SCHIP1: variants seen among roughly 807,000 people sequenced by gnomAD.
SCHIP1 encodes schwannomin-interacting protein 1.
In SCHIP1, 8 loss-of-function variants were observed where a neutral mutation model predicts 29.7. That is an observed-to-expected ratio of 0.27 (90% CI 0.16 to 0.49). The LOEUF is 0.49. Among genes scored for constraint, SCHIP1 ranks in the 20% least tolerant of loss-of-function variants. SCHIP1 has a pLI of 0.99. For missense variants in SCHIP1, 193 were observed against 294.6 expected (o/e 0.66, Z 2.52); for synonymous variants, 76 against 94.9 (o/e 0.80, Z 1.16).
At chr3:159,559,631 C>T in the SCHIP1 span, among the ~76,000 whole-genome samples, 9 of 152,262 alleles carry the variant, frequency 5.9e-5, no homozygotes, top group South Asian at 1.9e-3. Context: ...CTGAGAAATA[C>T]ATAATCAGTG....
At chr3:159,510,436 G>T in the SCHIP1 span, among the ~76,000 whole-genome samples, 16 of 152,202 alleles carry the variant, frequency 1.1e-4, no homozygotes, top group African/African-American at 3.4e-4. Context: ...GCTCGGGGAA[G>T]TTTGATAGTC....
chr3:159,373,004 C>A, the SCHIP1 span, among the ~76,000 whole-genome samples: 4 of 151,766 alleles, frequency 2.6e-5, no homozygotes, highest in African/African-American at 7.3e-5. Context: ...AAAATAACTT[C>A]TTTTATAAGC....
At chr3:159,294,032 G>T in the SCHIP1 span, among the ~76,000 whole-genome samples, 3 of 152,080 alleles carry the variant, frequency 2.0e-5, no homozygotes, top group Non-Finnish European at 2.9e-5. Flanking sequence ...TGTCTTAGGT[G>T]CTATGTAACT....
At chr3:159,489,892 T>C in the SCHIP1 span, among the ~76,000 whole-genome samples, 3 of 152,010 alleles carry the variant, frequency 2.0e-5, no homozygotes, top group African/African-American at 7.2e-5. Context: ...TATATATTTG[T>C]ATATTTTTAT....
At chr3:159,835,680 ATG>A (rs1743589529), upstream of SCHIP1, among the ~76,000 whole-genome samples, 1 of 152,198 alleles carries the variant, frequency 6.6e-6, no homozygotes, top group Non-Finnish European at 1.5e-5. Context: ...GTTTTATTCA[ATG>A]TGTATTGACA....
chr3:159,599,996 G>T, the SCHIP1 span, among the ~76,000 whole-genome samples: 2 of 152,138 alleles, frequency 1.3e-5, no homozygotes, highest in Admixed American at 1.3e-4. Context: ...TAGTATCCTT[G>T]GTTGATAGCT....
chr3:159,440,373 G>A, the SCHIP1 span, among the ~76,000 whole-genome samples: 5 of 151,894 alleles, frequency 3.3e-5, no homozygotes, highest in East Asian at 1.9e-4. Context: ...CTTTTTCTGC[G>A]GTCATTTTTC....
upstream of SCHIP1, among the ~76,000 whole-genome samples, chr3:159,839,291 A>T (rs73168573): frequency 3.6e-4 from 48 of 134,612 alleles, no homozygotes; most frequent in African/African-American, 1.6e-3. Flanking sequence ...CCTTACATTA[A>T]AAAAAAAAAA....
At chr3:159,391,930 C>A in the SCHIP1 span, among the ~76,000 whole-genome samples, 1 of 152,160 alleles carries the variant, frequency 6.6e-6, no homozygotes, top group Non-Finnish European at 1.5e-5. Flanking sequence ...CAATGACACT[C>A]ATTATGTCAG....
At chr3:159,648,512 A>G in the SCHIP1 span, among the ~76,000 whole-genome samples, 4 of 152,222 alleles carry the variant, frequency 2.6e-5, no homozygotes, top group East Asian at 1.9e-4. Flanking sequence ...TGCTAGACAC[A>G]TAACAACTGT....
the SCHIP1 span, among the ~76,000 whole-genome samples, chr3:159,308,327 C>T: frequency 6.6e-6 from 1 of 152,042 alleles, no homozygotes; most frequent in Non-Finnish European, 1.5e-5. Flanking sequence ...CTTAAATCAA[C>T]AAGCAAAAAT....
At chr3:159,676,774 C>T in the SCHIP1 span, among the ~76,000 whole-genome samples, 11 of 152,114 alleles carry the variant, frequency 7.2e-5, no homozygotes, top group Non-Finnish European at 1.6e-4. Flanking sequence ...CTCCAAGCTC[C>T]GTGGTCATCC....
At chr3:159,447,213 A>G in the SCHIP1 span, among the ~76,000 whole-genome samples, 1 of 152,186 alleles carries the variant, frequency 6.6e-6, no homozygotes, top group Non-Finnish European at 1.5e-5. Flanking sequence ...AAATGGAGGT[A>G]AAAAGATCAA....
the SCHIP1 span, among the ~76,000 whole-genome samples, chr3:159,325,615 G>A: frequency 2.0e-5 from 3 of 152,100 alleles, no homozygotes; most frequent in South Asian, 2.1e-4. Flanking sequence ...ATCAATTTAT[G>A]TGGGATACAT....
the SCHIP1 span, among the ~76,000 whole-genome samples, chr3:159,626,122 A>ATATATCTATCTATC: frequency 8.1e-6 from 1 of 123,010 alleles, no homozygotes; most frequent in African/African-American, 5.4e-5. Flanking sequence ...AGATAGATAG[A>ATATATCTATCTATC]TAGATAGATA....
the SCHIP1 span, chr3:159,764,583 G>A: frequency 5.0e-6 from 8 of 1,607,794 alleles, no homozygotes; most frequent in Non-Finnish European, 5.9e-6. The surrounding 1 kb of genome is among the most constrained non-coding windows in gnomAD (Gnocchi z 6.1). Context: ...GGGGCAGCCT[G>A]GACTTGGTGT....
At chr3:159,344,782 G>A in the SCHIP1 span, among the ~76,000 whole-genome samples, 1 of 152,196 alleles carries the variant, frequency 6.6e-6, no homozygotes, top group African/African-American at 2.4e-5. Context: ...AATGAAGTAT[G>A]TACTATAGCT....
the SCHIP1 span, among the ~76,000 whole-genome samples, chr3:159,650,039 C>T: frequency 6.6e-6 from 1 of 152,146 alleles, no homozygotes; most frequent in Non-Finnish European, 1.5e-5. Flanking sequence ...AATCACAAGC[C>T]AGCCTCCTAG....
the SCHIP1 span, among the ~76,000 whole-genome samples, chr3:159,666,901 A>G: frequency 1.4e-4 from 21 of 152,230 alleles, no homozygotes; most frequent in African/African-American, 4.8e-4. Flanking sequence ...GGTTTCAGGC[A>G]TTTAAGCCAG....
Sources: allele counts gnomAD v4.1 joint callset (sites outside exome capture counted in the v4.1 genomes callset), GRCh38; gene constraint gnomAD v4.1.1; non-coding constraint Gnocchi (gnomAD v3.1); transcripts MANE v1.5; gene names NCBI Gene and HGNC (gene_info 2026-07-23, HGNC 2026-07-21).